The following CPNE1 variants were observed in gnomAD, a reference collection of about 807,000 sequenced individuals.
The protein encoded by CPNE1 is copine 1, also known as copine-1.
In CPNE1, 58 loss-of-function variants were observed where a neutral mutation model predicts 63.2. The ratio of observed to expected loss-of-function variants is 0.92; its 90% CI spans 0.74 to 1.14. The LOEUF is 1.14. CPNE1 is among the 50% of genes most tolerant of loss of function. CPNE1 has a pLI of 0.00. For missense variants in CPNE1, 672 were observed against 661.7 expected, an observed-to-expected ratio of 1.02 and a Z score of -0.17; for synonymous variants, 237 against 249.0, an observed-to-expected ratio of 0.95 and a Z score of 0.45.
chr20:35,652,812 TGGGCCAGGGCCGGGGCCG>T (rs2033616751), intron 1 of CPNE1: 1 of 1,587,686 alleles, frequency 6.3e-7, no homozygotes, highest in Non-Finnish European at 8.6e-7. Flanking sequence ...CAATATGGAT[TGGGCCAGGGCCGGGGCCG>T]GGGCCGGGGC....
chr20:35,632,112 C>A, intron 5 of CPNE1, 51 bp downstream of exon 5: 1 of 1,604,892 alleles, frequency 6.2e-7, no homozygotes, highest in Middle Eastern at 1.7e-4. Flanking sequence ...CCCCATACAC[C>A]ATCCTTGGCC....
chr20:35,656,531 TTTTA>T (rs968063938), intron 1 of CPNE1, among the ~76,000 whole-genome samples: 1 of 152,164 alleles, frequency 6.6e-6, no homozygotes, highest in African/African-American at 2.4e-5. Flanking sequence ...AAAAGTCAAC[TTTTA>T]TTTATTTATT....
intron 1 of CPNE1, chr20:35,653,113 A>C: frequency 6.2e-7 from 1 of 1,613,778 alleles, no homozygotes; most frequent in South Asian, 1.1e-5. Context: ...TGGAGGAGGG[A>C]TTGGTGGCCC....
At chr20:35,660,419 T>C (rs1038091247) in intron 1 of CPNE1, among the ~76,000 whole-genome samples, 2 of 152,186 alleles carry the variant, frequency 1.3e-5, no homozygotes, top group African/African-American at 4.8e-5. Context: ...GGTTTCATTA[T>C]GTTACCCAGG....
At chr20:35,631,818 GC>G in intron 6 of CPNE1, 41 bp from the exon 7 acceptor site, 2 of 1,568,194 alleles carry the variant, frequency 1.3e-6, no homozygotes, top group Non-Finnish European at 8.8e-7. Context: ...CTCTGGCATG[GC>G]CCCCTGAGGA....
At chr20:35,645,633 G>A (rs1384707687) in intron 1 of CPNE1, among the ~76,000 whole-genome samples, 2 of 152,258 alleles carry the variant, frequency 1.3e-5, no homozygotes, top group Admixed American at 6.5e-5. Context: ...TTAAAAGCTT[G>A]AAGGTGACAG....
intron 1 of CPNE1, among the ~76,000 whole-genome samples, chr20:35,634,529 G>A (rs181217624): frequency 2.6e-5 from 4 of 151,990 alleles, no homozygotes; most frequent in Admixed American, 2.6e-4. Context: ...GGCGGGTGGA[G>A]GTTGAAGTAA....
chr20:35,631,751 T>C lies in CPNE1; in HGVS notation c.564A>G (p.Thr188=), dbSNP rs1415505975. 3 of 1,613,858 alleles carry C rather than the reference T, an allele frequency of 1.9e-6. No individual in the cohort carries two copies. Among genetic ancestry groups the C allele is most frequent in the African/African-American group, 1.3e-5 (1 of 74,854 alleles). The change falls in exon 7 of 16, where the codon ACA becomes ACG. Residue 188 remains threonine, a synonymous_variant. Coordinates refer to ENST00000397443, the MANE Select transcript of CPNE1 (RefSeq NM_152925.3). ...GAACGGGGACTGAGAAACGCTTCCA[T>C]GTAGGGTTCAGGTTGTTCTTGATGA... is the stretch of plus-strand genomic sequence containing the variant. ...SEVIKNNLNP[T]WKRFSVPVQH... is the part of the protein sequence containing the mutation.
rs763918656 is a variant in CPNE1 at position 35,639,504 on chromosome 20, T to C, written c.1-6581A>G. ...GGCACCTGCCATCATGCCCGGCTAA[T>C]TTTCATATTTTTGTAGAGACAGGGT... On this transcript the variant is annotated intron_variant, in intron 1 of 15. Transcript: ENST00000397443. 1.3e-4 allele frequency among the ~76,000 whole-genome samples: 20 copies of C among 152,190 alleles called. 1 individual carries two copies. The highest frequency in any genetic ancestry group is 2.5e-4 in the Non-Finnish European group (17 of 68,016).
chr20:35,654,329 C>A (rs751717153), intron 1 of CPNE1: 1 of 1,614,206 alleles, frequency 6.2e-7, no homozygotes, highest in Non-Finnish European at 8.5e-7. Flanking sequence ...AACAAATGCA[C>A]TGCATCAACA....
At chr20:35,658,792 AG>A (rs2034055073) in intron 1 of CPNE1, 4 of 553,840 alleles carry the variant, frequency 7.2e-6, no homozygotes, top group Non-Finnish European at 1.3e-5. Flanking sequence ...ACAAAAAACA[AG>A]CAAACAAAAA....
At chr20:35,631,893 C>A (rs2032171626) in intron 6 of CPNE1, 52 bp downstream of exon 6, 2 of 1,570,728 alleles carry the variant, frequency 1.3e-6, no homozygotes, top group African/African-American at 2.7e-5. Flanking sequence ...TAGTCACAGG[C>A]CCCAGGAGAT....
Position 35,630,790 on chromosome 20 carries a change from T to G in CPNE1, c.1001A>C (p.Lys334Thr). ...CCCAAATCCAAATGCAGGGAACAGC[T>G]TGTCTCTGTGGGAGGACAGTGTATT... is the stretch of plus-strand genomic sequence containing the variant. ...GSVVQDYDSD[K>T]LFPAFGFGAQ... The change falls in exon 12 of 16, where the codon AAG becomes ACG. Residue 334 changes from lysine to threonine, a missense_variant. Coordinates refer to ENST00000397443, the MANE Select transcript of CPNE1 (RefSeq NM_152925.3). The G allele has an allele frequency of 6.2e-7, 1 of 1,613,600 alleles. No individual in the cohort carries two copies. Among genetic ancestry groups the G allele is most frequent in the Non-Finnish European group, 8.5e-7 (1 of 1,179,790 alleles).
intron 1 of CPNE1, chr20:35,653,855 G>A (rs1452560566): frequency 5.6e-6 from 9 of 1,613,730 alleles, no homozygotes; most frequent in Non-Finnish European, 7.6e-6. Context: ...TGTTTATGAC[G>A]ACACAGAGCA....
intron 13 of CPNE1, among the ~76,000 whole-genome samples, 182 bp downstream of exon 13, chr20:35,630,257 C>T (rs1440106153): frequency 2.6e-5 from 4 of 152,090 alleles, no homozygotes; most frequent in African/African-American, 7.2e-5. Flanking sequence ...ATTGCGCCAC[C>T]GCACTCCAGC....
At chr20:35,652,528 C>T in intron 1 of CPNE1, 2 of 1,609,558 alleles carry the variant, frequency 1.2e-6, no homozygotes, top group South Asian at 2.2e-5. Context: ...GAATGGCTAC[C>T]CTAATACAAG....
chr20:35,637,055 A>G (rs758158940), intron 1 of CPNE1, among the ~76,000 whole-genome samples: 4 of 152,206 alleles, frequency 2.6e-5, no homozygotes, highest in African/African-American at 4.8e-5. Flanking sequence ...AAAACAAAAC[A>G]AGCAAAATAA....
chr20:35,626,333 G>A lies in CPNE1; in HGVS notation c.1522C>T (p.Gln508Ter). The A allele has an allele frequency of 6.2e-7, 1 of 1,614,144 alleles. No homozygotes were observed. The highest frequency in any genetic ancestry group is 1.1e-5 in the South Asian group (1 of 91,084). ...AQTVLAEVPT[Q>*]LVSYFRAQGW... ...TGGGCCCTGAAGTATGAGACCAGTT[G>A]TGTGGGCACTTCTGCGAGCACGGTC... Residue 508 changes from glutamine to a stop codon, truncating the protein, a stop_gained, in exon 16 of 16, where the codon CAA (glutamine) becomes TAA (stop). Coordinates refer to ENST00000397443, the MANE Select transcript of CPNE1 (RefSeq NM_152925.3). LOFTEE classifies it high-confidence loss of function.
At position 35,627,286 on chromosome 20, in the gene CPNE1, A is replaced by G. The variant is rs974898227; in HGVS notation, c.1230T>C (p.Thr410=). The G allele has an allele frequency of 1.5e-5, 24 of 1,611,338 alleles. No individual in the cohort carries two copies. The highest frequency in any genetic ancestry group is 2.0e-5 in the Non-Finnish European group (23 of 1,178,784). The change falls in exon 14 of 16, where the codon ACT becomes ACC. Residue 410 remains threonine (T), a synonymous_variant. Transcript: ENST00000397443. ...RFAAQAAHQG[T]ASQYFMLLLL... is the part of the protein sequence containing the mutation. ...TGCCACCCACGACTCTCACCGAGGC[A>G]GTCCCCTGATGTGCAGCCTGGGCTG...
Sources: allele counts gnomAD v4.1 joint callset (sites outside exome capture counted in the v4.1 genomes callset), GRCh38; gene constraint gnomAD v4.1.1; transcripts MANE v1.5; gene names NCBI Gene and HGNC (gene_info 2026-07-23, HGNC 2026-07-21).